Variants in B3GLCT observed in about 807,000 individuals in gnomAD.
B3GLCT encodes beta-1,3-glucosyltransferase.
B3GLCT carries 65 observed loss-of-function variants against 63.4 expected under a neutral mutation model. That is an observed-to-expected ratio of 1.03 (90% CI 0.84 to 1.26). The LOEUF (loss-of-function observed/expected upper bound fraction) is 1.26, where lower values mean the gene tolerates loss of function less well. B3GLCT is among the 50% of genes most tolerant of loss of function. B3GLCT has a pLI of 0.00. For synonymous variants in B3GLCT, 233 were observed against 219.2 expected (o/e 1.06, Z -0.55); for missense variants, 577 against 604.8 (o/e 0.95, Z 0.48).
intron 12 of B3GLCT, chr13:31,312,550 A>T (rs1349357908): frequency 6.6e-6 from 1 of 152,234 alleles, no homozygotes; most frequent in East Asian, 1.9e-4. Context: ...TTAGTACAAG[A>T]AAGAGACCAA....
intron 12 of B3GLCT, among the ~76,000 whole-genome samples, chr13:31,287,639 G>A (rs913388812): frequency 6.6e-6 from 1 of 151,812 alleles, no homozygotes; most frequent in Admixed American, 6.6e-5. Flanking sequence ...AAGTTGCCAG[G>A]CATATAAAGC....
chr13:31,221,728 C>T (rs928663565), intron 2 of B3GLCT, among the ~76,000 whole-genome samples: 1 of 152,214 alleles, frequency 6.6e-6, no homozygotes, highest in African/African-American at 2.4e-5. Flanking sequence ...CGTCTCTTGG[C>T]TTTTAAGCCG....
intron 13 of B3GLCT, among the ~76,000 whole-genome samples, chr13:31,318,236 ATTAC>A (rs1489770908): frequency 2.6e-5 from 4 of 152,190 alleles, no homozygotes; most frequent in African/African-American, 4.8e-5. Context: ...AGTTTTCCCT[ATTAC>A]TTCTGTAGTC....
chr13:31,282,266 A>G (rs956670581), intron 10 of B3GLCT, among the ~76,000 whole-genome samples: 2 of 152,234 alleles, frequency 1.3e-5, no homozygotes, highest in Admixed American at 6.5e-5. Context: ...TAAAAGTTTA[A>G]CTAATTTAGA....
intron 6 of B3GLCT, among the ~76,000 whole-genome samples, chr13:31,253,106 A>G (rs1056024485): frequency 1.3e-5 from 2 of 152,210 alleles, no homozygotes; most frequent in Non-Finnish European, 2.9e-5. Flanking sequence ...CTGCTCCTGA[A>G]TGACTACTGG....
chr13:31,288,045 C>G (rs1475227355), intron 12 of B3GLCT, among the ~76,000 whole-genome samples: 2 of 152,198 alleles, frequency 1.3e-5, no homozygotes, highest in East Asian at 3.9e-4. Context: ...ATTGAAATCT[C>G]CAAAGAGAAG....
chr13:31,311,042 T>C (rs1488747813), intron 12 of B3GLCT, among the ~76,000 whole-genome samples: 1 of 152,186 alleles, frequency 6.6e-6, no homozygotes, highest in Non-Finnish European at 1.5e-5. Flanking sequence ...TGGCCAACCG[T>C]GGAGATTTCT....
At chr13:31,221,495 G>C (rs575750301) in intron 2 of B3GLCT, among the ~76,000 whole-genome samples, 2 of 152,344 alleles carry the variant, frequency 1.3e-5, no homozygotes, top group African/African-American at 2.4e-5. Context: ...AGATCTACCT[G>C]TTTCATCAGG....
At chr13:31,220,417 A>G (rs982190648) in intron 2 of B3GLCT, among the ~76,000 whole-genome samples, 1 of 152,194 alleles carries the variant, frequency 6.6e-6, no homozygotes, top group Admixed American at 6.5e-5. Context: ...CTGAATAGCA[A>G]TTCAGTTGAC....
intron 13 of B3GLCT, among the ~76,000 whole-genome samples, chr13:31,320,943 C>T (rs1875301570): frequency 6.6e-6 from 1 of 152,214 alleles, no homozygotes. Flanking sequence ...TCTAGCCTCT[C>T]AAATCTGGGT....
intron 12 of B3GLCT, among the ~76,000 whole-genome samples, chr13:31,308,381 A>T (rs1303799857): frequency 6.7e-6 from 1 of 149,372 alleles, no homozygotes; most frequent in East Asian, 2.0e-4. Flanking sequence ...AGCTAGTCCC[A>T]CATGGCTTAC....
chr13:31,229,261 A>G lies in B3GLCT; in HGVS notation c.237A>G (p.Lys79=), dbSNP rs750442191. 3.7e-6 allele frequency: 6 copies of G among 1,612,958 alleles called. No individual in the cohort carries two copies. In the South Asian group the frequency reaches 6.6e-5, roughly 18 times the overall value. The part of the protein sequence containing the change: ...FHAKRAEQLK[K]SILKQAADLT... Reference sequence around the variant, plus strand: ...CAAAGAGAGCAGAGCAGTTAAAAAAAAGCATCTTAAAGCAGGCTGCAGATC... The same window carrying G: ...CAAAGAGAGCAGAGCAGTTAAAAAAGAGCATCTTAAAGCAGGCTGCAGATC... Residue 79 remains lysine (K), a synonymous_variant, in exon 4 of 15, where the codon AAA becomes AAG. Transcript: ENST00000343307.
intron 12 of B3GLCT, among the ~76,000 whole-genome samples, chr13:31,295,473 C>T (rs374047336): frequency 4.8e-4 from 73 of 152,272 alleles, no homozygotes; most frequent in African/African-American, 1.6e-3. Flanking sequence ...TGTATAAGCC[C>T]CTGACTGGGC....
chr13:31,266,646 C>T (rs998946378), intron 7 of B3GLCT, among the ~76,000 whole-genome samples: 2 of 152,204 alleles, frequency 1.3e-5, no homozygotes, highest in African/African-American at 2.4e-5. Flanking sequence ...GCTAACTCTT[C>T]CACTAGAAGT....
chr13:31,229,171 T>G lies in B3GLCT; in HGVS notation c.161-14T>G, dbSNP rs565056102. The G allele has an allele frequency of 4.6e-6, 7 of 1,511,088 alleles. No individual in the cohort carries two copies. The Admixed American group carries it at 5.1e-5, about 11-fold the overall frequency. 93.6% of individuals were successfully genotyped at this position (1,511,088 alleles called of 1,614,324 possible). On this transcript the variant is annotated splice_polypyrimidine_tract_variant and intron_variant, in intron 3 of 14. Transcript: ENST00000343307. ...TAAAAAGAAATACCTGAAAACTATTTTTTTTTGTTCTAGACTTAAAAGGAA... is the reference window on the plus strand; with the variant it reads ...TAAAAAGAAATACCTGAAAACTATTGTTTTTTGTTCTAGACTTAAAAGGAA...
At chr13:31,208,968 C>A (rs954966206) in intron 1 of B3GLCT, among the ~76,000 whole-genome samples, 21 of 152,122 alleles carry the variant, frequency 1.4e-4, no homozygotes, top group African/African-American at 5.1e-4. Flanking sequence ...GGCCGGGTCA[C>A]CCCCTCCCCT....
chr13:31,277,159 A>G (rs779694282), intron 10 of B3GLCT, among the ~76,000 whole-genome samples: 1 of 152,188 alleles, frequency 6.6e-6, no homozygotes, highest in Non-Finnish European at 1.5e-5. Context: ...CAGCATGCCA[A>G]CAAAGAAAAA....
chr13:31,219,484 C>T (rs1869716697), intron 2 of B3GLCT, among the ~76,000 whole-genome samples: 1 of 152,106 alleles, frequency 6.6e-6, no homozygotes. Flanking sequence ...CTACCTAATC[C>T]TGTGGTAGCA....
At chr13:31,285,605 A>T (rs1158022523) in intron 11 of B3GLCT, among the ~76,000 whole-genome samples, 189 of 5,244 alleles carry the variant, frequency 0.036, 1 homozygote, top group Middle Eastern at 0.27. Context: ...TTTTATGAGT[A>T]AAAAAAAAAA....
Sources: allele counts gnomAD v4.1 joint callset (sites outside exome capture counted in the v4.1 genomes callset), GRCh38; gene constraint gnomAD v4.1.1; transcripts MANE v1.5; gene names NCBI Gene and HGNC (gene_info 2026-07-23, HGNC 2026-07-21).